The following CEP41 variants were observed in gnomAD, a reference collection of about 807,000 sequenced individuals.
CEP41 encodes centrosomal protein 41, also known as centrosomal protein of 41 kDa.
CEP41 carries 32 observed loss-of-function variants against 44.3 expected under a neutral mutation model. That is an observed-to-expected ratio of 0.72 (90% CI 0.54 to 0.97). CEP41 has a LOEUF of 0.97. Ranked by LOEUF, CEP41 falls within the 50% of genes least tolerant of loss-of-function variation. CEP41 has a pLI of 0.00. For synonymous variants in CEP41, 151 were observed against 168.5 expected (o/e 0.90, Z 0.80); for missense variants, 432 against 455.2 (o/e 0.95, Z 0.46).
At chr7:130,422,116 C>CA (rs1262734186) in intron 2 of CEP41, 2 of 1,296,898 alleles carry the variant, frequency 1.5e-6, no homozygotes, top group East Asian at 5.3e-5. Flanking sequence ...GGTATAAAAA[C>CA]AAAAAATAAT....
At chr7:130,429,987 C>G (rs1244580077) in intron 1 of CEP41, among the ~76,000 whole-genome samples, 2 of 152,198 alleles carry the variant, frequency 1.3e-5, no homozygotes, top group African/African-American at 4.8e-5. Flanking sequence ...GAACATCGGA[C>G]TTATAAAAAC....
chr7:130,429,353 G>A (rs1797760453), intron 1 of CEP41, among the ~76,000 whole-genome samples: 1 of 152,176 alleles, frequency 6.6e-6, no homozygotes. Flanking sequence ...CCTTTGTGCT[G>A]CTGTCTGGTA....
In CEP41 at chr7:130,394,519, G is replaced by A. The variant is rs1554413744; in HGVS notation, c.*4372C>T. On this transcript the variant is annotated 3_prime_UTR_variant, in exon 11 of 11. Transcript: ENST00000223208. ...TGTGACCTTTGCGTGCTGAATTTGG[G>A]AGGATACTTTAAGCCTGGCAGAGAC... 1.1e-5 allele frequency: 5 copies of A among 453,948 alleles called. No individual in the cohort carries two copies. The highest frequency in any genetic ancestry group is 7.8e-5 in the South Asian group (5 of 64,472). 28.1% of individuals were successfully genotyped at this position (453,948 alleles called of 1,614,324 possible).
At chr7:130,430,884 T>C (rs1797804054) in intron 1 of CEP41, among the ~76,000 whole-genome samples, 1 of 152,158 alleles carries the variant, frequency 6.6e-6, no homozygotes, top group South Asian at 2.1e-4. Flanking sequence ...GATTTGTCCA[T>C]ACCTAAGCCA....
intron 3 of CEP41, among the ~76,000 whole-genome samples, chr7:130,414,114 C>T (rs1217203978): frequency 6.6e-6 from 1 of 152,192 alleles, no homozygotes; most frequent in Non-Finnish European, 1.5e-5. Context: ...ACTTTAAAAA[C>T]TAGCCTTCTG....
chr7:130,441,092 C>A, upstream of CEP41: 1 of 1,138,250 alleles, frequency 8.8e-7, no homozygotes, highest in Non-Finnish European at 1.3e-6. Flanking sequence ...CCGTCTTCCC[C>A]GGCCGGCCAA....
rs564975197 is a variant in CEP41 at position 130,401,772 on chromosome 7, A to C, written c.642+109T>G. 9.5e-5 allele frequency: 72 copies of C among 758,964 alleles called. 1 individual carries two copies. In the East Asian group the frequency reaches 2.0e-3, roughly 21 times the overall value. The allele number at this position is 758,964 out of a possible 1,614,324, so 47.0% of individuals were successfully genotyped here. ...CAAATTCTAAAATATGCTCAGCCAA[A>C]TAATATCAAAGGTCCTTCACAGCAT... On this transcript the variant is annotated intron_variant, in intron 8 of 10. Transcript: ENST00000223208.
intron 6 of CEP41, among the ~76,000 whole-genome samples, chr7:130,404,224 G>A (rs535198420): frequency 6.6e-6 from 1 of 152,194 alleles, no homozygotes; most frequent in African/African-American, 2.4e-5. Flanking sequence ...TTCAGCAGTC[G>A]GAAAAGGGGG....
At chr7:130,402,842 G>A (rs782358016) in intron 6 of CEP41, 43 bp from the exon 7 acceptor site, 5 of 1,610,676 alleles carry the variant, frequency 3.1e-6, no homozygotes, top group South Asian at 1.1e-5. Context: ...GTCAGAGGTT[G>A]GTGGCTTAAA....
chr7:130,433,234 G>C lies in CEP41; in HGVS notation c.34-5216C>G, dbSNP rs552063480. Among the ~76,000 whole-genome samples, 9 of 152,112 alleles carry C rather than the reference G, an allele frequency of 5.9e-5. No individual in the cohort carries two copies. The East Asian group carries it at 1.7e-3, about 29-fold the overall frequency. ...AAAACAGCAGATCAAGTATATGAGAGGCGAAGGAGGAAAGAGGACAGTAGC... is the reference window on the plus strand; with the variant it reads ...AAAACAGCAGATCAAGTATATGAGACGCGAAGGAGGAAAGAGGACAGTAGC... On this transcript the variant is annotated intron_variant, in intron 1 of 10. Coordinates refer to ENST00000223208, the MANE Select transcript of CEP41 (RefSeq NM_018718.3).
chr7:130,440,612 T>C, intron 1 of CEP41: 1 of 542,026 alleles, frequency 1.8e-6, no homozygotes, highest in South Asian at 2.1e-5. Flanking sequence ...GCGCTTCCTT[T>C]GTCTTTTCTG....
Position 130,400,053 on chromosome 7 carries a change from G to C in CEP41, c.959C>G (p.Pro320Arg). The change falls in exon 10 of 11, where the codon CCT (proline) becomes CGT (arginine). Residue 320 changes from proline to arginine, a missense_variant. By Grantham distance (103) the Pro-to-Arg change is moderately radical. Transcript: ENST00000223208. ...AAAGATCTTACTAGGATGATCTGCA[G>C]GCCCTTGCTCCTCTTCCAGATAATA... Reference protein sequence around the residue: ...IEYYLEEEQGPADHPSRLNQA... With the variant: ...IEYYLEEEQGRADHPSRLNQA... 6.2e-7 allele frequency: 1 copy of C among 1,605,564 alleles called. No individual in the cohort carries two copies. The highest frequency in any genetic ancestry group is 1.1e-5 in the South Asian group (1 of 90,866).
At chr7:130,438,056 A>G (rs1318886446) in intron 1 of CEP41, among the ~76,000 whole-genome samples, 1 of 151,794 alleles carries the variant, frequency 6.6e-6, no homozygotes, top group Non-Finnish European at 1.5e-5. Context: ...CTTCCCCCAC[A>G]CTCCTAAAAC....
At chr7:130,407,551 A>G (rs1174771565) in intron 5 of CEP41, among the ~76,000 whole-genome samples, 2 of 152,202 alleles carry the variant, frequency 1.3e-5, no homozygotes, top group East Asian at 3.8e-4. Context: ...GGAAAAGAAT[A>G]TAAATAAAAA....
chr7:130,439,078 C>T lies in CEP41; in HGVS notation c.33+1856G>A, dbSNP rs150940066. On this transcript the variant is annotated intron_variant, in intron 1 of 10. Coordinates refer to ENST00000223208, the MANE Select transcript of CEP41 (RefSeq NM_018718.3). The stretch of plus-strand genomic sequence containing the variant: ...CACTTATACCCAGATTTTCTTCTGC[C>T]TCTGTCACCCCTAAGGCAGCAAGAC... Among the ~76,000 whole-genome samples the T allele has an allele frequency of 2.6e-3, 402 of 152,252 alleles. 1 individual carries two copies. The highest frequency in any genetic ancestry group is 9.0e-3 in the African/African-American group (375 of 41,538).
intron 6 of CEP41, 82 bp downstream of exon 6, chr7:130,404,482 G>GA (rs146534304): frequency 0.011 from 10,918 of 1,024,614 alleles, 31 homozygotes; most frequent in African/African-American, 0.036. Context: ...TCTAAGGCAA[G>GA]AAAAAAAAAA....
intron 2 of CEP41, chr7:130,426,556 C>T (rs532174474): frequency 4.7e-4 from 192 of 406,568 alleles, no homozygotes; most frequent in African/African-American, 3.7e-3. Context: ...GAAATTCCTT[C>T]CTTTATAGTA....
rs956848358 is a variant in CEP41, at chr7:130,440,999, G to T, written c.-33C>A. 14 of 1,611,234 alleles carry T rather than the reference G, an allele frequency of 8.7e-6. No homozygotes were observed. Among genetic ancestry groups the T allele is most frequent in the Admixed American group, 1.7e-5 (1 of 60,012 alleles). ...CCAACCGACCACGTTCGGGGTTCTA[G>T]CCTCACGGGTTGCCTCTAACCCTAG... On this transcript the variant is annotated 5_prime_UTR_variant, in exon 1 of 11. Coordinates refer to ENST00000223208, the MANE Select transcript of CEP41 (RefSeq NM_018718.3).
Position 130,394,648 on chromosome 7 carries a change from G to C in CEP41, c.*4243C>G. The C allele has an allele frequency of 2.2e-6, 1 of 453,960 alleles. No homozygotes were observed. Among genetic ancestry groups the C allele is most frequent in the Middle Eastern group, 6.9e-4 (1 of 1,444 alleles). 28.1% of individuals were successfully genotyped at this position (453,960 alleles called of 1,614,324 possible). ...CGCCCACAAAGGCAGGATACACAAG[G>C]GGGACAGAAGATAACGAGCTTTCTG... On this transcript the variant is annotated 3_prime_UTR_variant, in exon 11 of 11. Transcript: ENST00000223208.
Sources: allele counts gnomAD v4.1 joint callset (sites outside exome capture counted in the v4.1 genomes callset), GRCh38; gene constraint gnomAD v4.1.1; transcripts MANE v1.5; gene names NCBI Gene and HGNC (gene_info 2026-07-23, HGNC 2026-07-21).